Variants in EMP2 observed in about 807,000 individuals in gnomAD.
EMP2 encodes the protein epithelial membrane protein 2.
EMP2 carries 19 observed loss-of-function variants against 13.7 expected under a neutral mutation model. That is an observed-to-expected ratio of 1.38 (90% CI 0.97 to 2.03). EMP2 has a LOEUF of 2.03. EMP2 is among the 30% of genes most tolerant of loss of function. The pLI is 0.00. For synonymous variants in EMP2, 97 were observed against 84.7 expected (o/e 1.15, Z -0.80); for missense variants, 253 against 220.7 (o/e 1.15, Z -0.93).
chr16:10,541,015 G>A (rs923361972), intron 3 of EMP2, among the ~76,000 whole-genome samples: 2 of 152,080 alleles, frequency 1.3e-5, no homozygotes, highest in East Asian at 1.9e-4. Flanking sequence ...TCGAACCTGG[G>A]GGGCAGAGGT....
chr16:10,541,968 G>A (rs78973177), intron 3 of EMP2, among the ~76,000 whole-genome samples: 1,537 of 152,258 alleles, frequency 0.01, 17 homozygotes, highest in African/African-American at 0.035. Context: ...CTTTTATGAT[G>A]AATATGGATA....
At chr16:10,566,903 T>C (rs2142205330) in intron 1 of EMP2, among the ~76,000 whole-genome samples, 1 of 152,232 alleles carries the variant, frequency 6.6e-6, no homozygotes, top group Middle Eastern at 3.4e-3. Flanking sequence ...TGCCCCTTCT[T>C]TGTCCCCAAC....
In EMP2 at chr16:10,565,610, A is replaced by G. The variant is rs866851999; in HGVS notation, c.-61+14939T>C. On this transcript the variant is annotated intron_variant, in intron 1 of 4. Coordinates refer to ENST00000359543, the MANE Select transcript of EMP2 (RefSeq NM_001424.6). Reference sequence around the variant, plus strand: ...TGGTTTCTCTGCAGAACCCTAATATAGCATCACTCTCTCAGGGTACCCAGC... The same window carrying G: ...TGGTTTCTCTGCAGAACCCTAATATGGCATCACTCTCTCAGGGTACCCAGC... Among the ~76,000 whole-genome samples, 19 of 152,294 alleles carry G rather than the reference A, an allele frequency of 1.2e-4. 1 individual carries two copies. Among genetic ancestry groups the G allele is most frequent in the African/African-American group, 4.6e-4 (19 of 41,560 alleles).
chr16:10,538,784 G>T (rs146577501), intron 3 of EMP2, among the ~76,000 whole-genome samples: 1 of 151,990 alleles, frequency 6.6e-6, no homozygotes, highest in Non-Finnish European at 1.5e-5. Context: ...GGTTACCTTC[G>T]TGGGCCTCAG....
intron 3 of EMP2, among the ~76,000 whole-genome samples, chr16:10,542,442 C>CA (rs2050707516): frequency 1.1e-5 from 1 of 90,046 alleles, no homozygotes; most frequent in African/African-American, 7.0e-5. Flanking sequence ...ACTAAACCCT[C>CA]CCCCCCCACC....
intron 1 of EMP2, among the ~76,000 whole-genome samples, chr16:10,554,304 T>C (rs2050811252): frequency 6.6e-6 from 1 of 152,204 alleles, no homozygotes; most frequent in Non-Finnish European, 1.5e-5. Context: ...AGTGCTAGGA[T>C]TACAGGCGTG....
chr16:10,548,986 T>C (rs925165397), intron 1 of EMP2, among the ~76,000 whole-genome samples: 2 of 152,166 alleles, frequency 1.3e-5, no homozygotes, highest in East Asian at 1.9e-4. Flanking sequence ...TTCAAACCAA[T>C]GGGCCAGAAC....
At chr16:10,537,781 C>CAT (rs2050660514) in intron 4 of EMP2, 147 bp downstream of exon 4, 3 of 970,736 alleles carry the variant, frequency 3.1e-6, no homozygotes, top group South Asian at 3.1e-5. Flanking sequence ...CACACACACA[C>CAT]GCAAACACAC....
intron 1 of EMP2, among the ~76,000 whole-genome samples, 171 bp from the exon 2 acceptor site, chr16:10,547,848 C>T: frequency 6.6e-6 from 1 of 151,916 alleles, no homozygotes; most frequent in Non-Finnish European, 1.5e-5. Context: ...GCCCAGGCAA[C>T]ATAGTAAGAC....
At position 10,532,467 on chromosome 16, in the gene EMP2, C is replaced by T. The variant is rs1473255050; in HGVS notation, c.*438G>A. ...CTCCTATACCCCACCTCACCCTCTT[C>T]CACCCACCACTAGCAGAGAGATTCG... On this transcript the variant is annotated 3_prime_UTR_variant, in exon 5 of 5. Coordinates refer to ENST00000359543, the MANE Select transcript of EMP2 (RefSeq NM_001424.6). 2 of 152,644 alleles carry T rather than the reference C, an allele frequency of 1.3e-5. No individual in the cohort carries two copies. The highest frequency in any genetic ancestry group is 3.9e-4 in the East Asian group (2 of 5,184). The allele number at this position is 152,644 out of a possible 1,614,324, so 9.5% of individuals were successfully genotyped here. A position where few individuals can be genotyped will look rare whatever the true frequency, so the allele number is the denominator to read the frequency against.
chr16:10,578,160 T>A (rs1311253520), intron 1 of EMP2: 5 of 152,050 alleles, frequency 3.3e-5, no homozygotes, highest in Non-Finnish European at 7.3e-5. Context: ...GCCTTTGCTG[T>A]GCCCTCACTG....
intron 1 of EMP2, among the ~76,000 whole-genome samples, chr16:10,555,841 C>T (rs2050823656): frequency 1.3e-5 from 2 of 152,186 alleles, no homozygotes; most frequent in Non-Finnish European, 2.9e-5. Flanking sequence ...CCTGCCTCGG[C>T]CTCCCAAAGT....
intron 1 of EMP2, among the ~76,000 whole-genome samples, chr16:10,561,912 G>A (rs1040621619): frequency 2.6e-5 from 4 of 152,196 alleles, no homozygotes; most frequent in African/African-American, 9.7e-5. Context: ...AGAAAAAAAA[G>A]GGTTTATCCA....
intron 1 of EMP2, among the ~76,000 whole-genome samples, chr16:10,577,521 C>A (rs973769476): frequency 6.6e-6 from 1 of 152,188 alleles, no homozygotes; most frequent in African/African-American, 2.4e-5. Flanking sequence ...CTTCACCACT[C>A]CTGGGGTGAG....
intron 1 of EMP2, among the ~76,000 whole-genome samples, chr16:10,570,456 G>A (rs1351899784): frequency 6.6e-6 from 1 of 152,120 alleles, no homozygotes; most frequent in Non-Finnish European, 1.5e-5. Flanking sequence ...TGAATGCAGT[G>A]GCGTGATCTC....
rs58318805 is a variant in EMP2 at position 10,529,931 on chromosome 16, CAAAAAAAAAAA to C, written c.*2963_*2973del. 1.3e-5 allele frequency: 1 copy of C among 75,424 alleles called. No homozygotes were observed. The highest frequency in any genetic ancestry group is 2.9e-5 in the Non-Finnish European group (1 of 34,862). The allele number at this position is 75,424 out of a possible 1,614,324, so 4.7% of individuals were successfully genotyped here. ...GGGCAACAAGAGCAAAACTCAGTCT[CAAAAAAAAAAA>C]AAAAAAAGAAAAAGAAAAAAGAAAA... On this transcript the variant is annotated 3_prime_UTR_variant, in exon 5 of 5. Coordinates refer to ENST00000359543, the MANE Select transcript of EMP2 (RefSeq NM_001424.6).
chr16:10,559,382 C>A (rs569537405), intron 1 of EMP2, among the ~76,000 whole-genome samples: 134 of 152,358 alleles, frequency 8.8e-4, no homozygotes, highest in Non-Finnish European at 1.7e-3. Context: ...CAGCTCCATG[C>A]TCACTGTGGC....
At chr16:10,573,883 C>T (rs557822488) in intron 1 of EMP2, among the ~76,000 whole-genome samples, 80 of 150,036 alleles carry the variant, frequency 5.3e-4, no homozygotes, top group African/African-American at 1.9e-3. Context: ...TTTTTTTAAA[C>T]TCAGTAATGC....
At chr16:10,570,929 A>G (rs1031558638) in intron 1 of EMP2, among the ~76,000 whole-genome samples, 2 of 152,016 alleles carry the variant, frequency 1.3e-5, no homozygotes, top group Non-Finnish European at 2.9e-5. Flanking sequence ...GGCGAGGGAA[A>G]GAGCAGGTAG....
Sources: allele counts gnomAD v4.1 joint callset (sites outside exome capture counted in the v4.1 genomes callset), GRCh38; gene constraint gnomAD v4.1.1; transcripts MANE v1.5; gene names NCBI Gene and HGNC (gene_info 2026-07-23, HGNC 2026-07-21).